The following SGCZ variants were observed in gnomAD, a reference collection of about 807,000 sequenced individuals.
The protein encoded by SGCZ is zeta-sarcoglycan.
SGCZ carries 40 observed loss-of-function variants against 41.3 expected under a neutral mutation model. The ratio of observed to expected loss-of-function variants is 0.97; its 90% confidence interval spans 0.75 to 1.26. The LOEUF (loss-of-function observed/expected upper bound fraction) is 1.26, where lower values mean the gene tolerates loss of function less well. Ranked by LOEUF, SGCZ falls within the 50% of genes most tolerant of loss-of-function variation. SGCZ has a pLI of 0.00. For missense variants in SGCZ, 552 were observed against 369.8 expected (o/e 1.49, Z -4.04); for synonymous variants, 206 against 137.5 (o/e 1.50, Z -3.49).
intron 2 of SGCZ, among the ~76,000 whole-genome samples, chr8:14,473,104 C>A (rs1801259001): frequency 6.6e-6 from 1 of 152,044 alleles, no homozygotes; most frequent in East Asian, 1.9e-4. Context: ...CTAACTGGGT[C>A]ACTGAACATT....
chr8:14,923,882 C>T (rs1346173773), intron 1 of SGCZ, among the ~76,000 whole-genome samples: 4 of 152,072 alleles, frequency 2.6e-5, no homozygotes, highest in South Asian at 4.1e-4. Flanking sequence ...AGAGTTGGTA[C>T]GAAGATTATT....
chr8:14,883,505 A>C (rs913002870), intron 1 of SGCZ, among the ~76,000 whole-genome samples: 2 of 152,158 alleles, frequency 1.3e-5, no homozygotes, highest in African/African-American at 2.4e-5. Context: ...TTACTGATCC[A>C]ATCCTTATTT....
intron 1 of SGCZ, among the ~76,000 whole-genome samples, chr8:15,107,610 T>C (rs1046753109): frequency 1.3e-5 from 2 of 152,206 alleles, no homozygotes; most frequent in East Asian, 1.9e-4. Context: ...CCATGTTTCT[T>C]GAACTTCCCA....
chr8:14,505,915 G>T (rs1243910653), intron 2 of SGCZ, among the ~76,000 whole-genome samples: 1 of 152,146 alleles, frequency 6.6e-6, no homozygotes, highest in Non-Finnish European at 1.5e-5. Context: ...TCGAACGCAA[G>T]CTAACTGTTC....
At chr8:14,897,255 C>T (rs143351817) in intron 1 of SGCZ, among the ~76,000 whole-genome samples, 2,044 of 152,242 alleles carry the variant, frequency 0.013, 29 homozygotes, top group Middle Eastern at 0.048. Flanking sequence ...TTAATAATTA[C>T]GTATATAATA....
At chr8:14,164,341 C>T (rs1007526533) in intron 5 of SGCZ, among the ~76,000 whole-genome samples, 2 of 152,044 alleles carry the variant, frequency 1.3e-5, no homozygotes, top group Non-Finnish European at 2.9e-5. Context: ...ATTTTCTTCC[C>T]CCTGCCTCCA....
At chr8:14,637,547 C>T (rs1203979538) in intron 1 of SGCZ, among the ~76,000 whole-genome samples, 2 of 151,494 alleles carry the variant, frequency 1.3e-5, no homozygotes, top group Non-Finnish European at 3.0e-5. Flanking sequence ...GTTTAGCTCC[C>T]ACTTATAAGT....
intron 1 of SGCZ, among the ~76,000 whole-genome samples, chr8:15,235,756 T>G (rs955669851): frequency 7.2e-5 from 11 of 152,156 alleles, no homozygotes; most frequent in African/African-American, 2.7e-4. Context: ...CCAAATCATT[T>G]CTCCCTTCCA....
chr8:15,016,849 T>A (rs1365965872), intron 1 of SGCZ, among the ~76,000 whole-genome samples: 1 of 151,976 alleles, frequency 6.6e-6, no homozygotes, highest in Non-Finnish European at 1.5e-5. Context: ...GCAAAGGGAA[T>A]GAACAGCCAT....
At chr8:14,375,250 A>G (rs1169104701) in intron 2 of SGCZ, among the ~76,000 whole-genome samples, 1 of 152,240 alleles carries the variant, frequency 6.6e-6, no homozygotes, top group Non-Finnish European at 1.5e-5. Flanking sequence ...TGTGCACTGA[A>G]TAATACGGTA....
At chr8:14,122,512 T>A (rs1310128535) in intron 5 of SGCZ, among the ~76,000 whole-genome samples, 1 of 152,200 alleles carries the variant, frequency 6.6e-6, no homozygotes, top group African/African-American at 2.4e-5. Context: ...TTAATCAAAA[T>A]GTTCATCAAT....
intron 2 of SGCZ, among the ~76,000 whole-genome samples, chr8:14,393,826 C>T (rs975903485): frequency 2.0e-5 from 3 of 152,120 alleles, no homozygotes. Context: ...TCAATAAATG[C>T]ATTGACTTAC....
rs1025697855 is a variant in SGCZ at position 14,088,831 on chromosome 8, C to T, written c.*1612G>A. 6.6e-6 allele frequency among the ~76,000 whole-genome samples: 1 copy of T among 151,856 alleles called. No individual in the cohort carries two copies. The highest frequency in any genetic ancestry group is 6.6e-5 in the Admixed American group (1 of 15,208). Reference sequence around the variant, plus strand: ...CCAATATTTCTACTTTCACTAACCACATCTTTTGCAACAAGTTCTAATCTC... The same window carrying T: ...CCAATATTTCTACTTTCACTAACCATATCTTTTGCAACAAGTTCTAATCTC... On this transcript the variant is annotated 3_prime_UTR_variant, in exon 8 of 8. Transcript: ENST00000382080.
At chr8:14,222,182 G>GT (rs1216922349) in intron 4 of SGCZ, among the ~76,000 whole-genome samples, 2 of 151,690 alleles carry the variant, frequency 1.3e-5, no homozygotes, top group Admixed American at 6.6e-5. Context: ...GTTTTGTTTT[G>GT]TTTTTTGAGG....
At chr8:14,515,111 A>T (rs1802583174) in intron 2 of SGCZ, among the ~76,000 whole-genome samples, 1 of 151,966 alleles carries the variant, frequency 6.6e-6, no homozygotes, top group African/African-American at 2.4e-5. Context: ...CCTTGCTTAC[A>T]GCCAGCTCTA....
At chr8:14,867,244 G>T (rs1289221272) in intron 1 of SGCZ, among the ~76,000 whole-genome samples, 1 of 152,018 alleles carries the variant, frequency 6.6e-6, no homozygotes, top group Non-Finnish European at 1.5e-5. Context: ...TAGGATAATG[G>T]TCTCGATCTC....
chr8:14,152,191 G>C (rs1039508530), intron 5 of SGCZ, among the ~76,000 whole-genome samples: 7 of 151,940 alleles, frequency 4.6e-5, no homozygotes, highest in African/African-American at 7.2e-5. Context: ...ATATCCTATA[G>C]AGGACTGTTA....
chr8:14,347,167 C>T (rs898719890), intron 2 of SGCZ, among the ~76,000 whole-genome samples: 2 of 152,038 alleles, frequency 1.3e-5, no homozygotes, highest in African/African-American at 4.8e-5. Context: ...AAAAACTACT[C>T]ATTTTTCTTA....
chr8:14,934,427 G>A (rs1800019171), intron 1 of SGCZ, among the ~76,000 whole-genome samples: 2 of 151,778 alleles, frequency 1.3e-5, no homozygotes, highest in Admixed American at 1.3e-4. Flanking sequence ...AAGACCAAAG[G>A]GAACTTCTAG....
Sources: allele counts gnomAD v4.1 joint callset (sites outside exome capture counted in the v4.1 genomes callset), GRCh38; gene constraint gnomAD v4.1.1; transcripts MANE v1.5; gene names NCBI Gene and HGNC (gene_info 2026-07-23, HGNC 2026-07-21).